Variants in ANK1 observed in about 807,000 individuals in gnomAD.
ANK1 encodes the protein ankyrin-1.
A neutral mutation model predicts 210.4 loss-of-function variants in ANK1; 51 were observed. The observed-to-expected ratio is 0.24, with a 90% confidence interval of 0.19 to 0.31. ANK1 has a LOEUF of 0.31. Ranked by LOEUF, ANK1 falls within the 10% of genes least tolerant of loss-of-function variation. The pLI, the probability that ANK1 is intolerant of heterozygous loss-of-function variation, is 1.00. For missense variants in ANK1, 2,051 were observed against 2,504.4 expected, an observed-to-expected ratio of 0.82 and a Z score of 3.86; for synonymous variants, 967 against 1,025.9, an observed-to-expected ratio of 0.94 and a Z score of 1.10.
intron 7 of ANK1, 84 bp downstream of exon 7, chr8:41,724,372 G>A (rs1030782746): frequency 8.2e-7 from 1 of 1,214,008 alleles, no homozygotes; most frequent in African/African-American, 1.5e-5. Flanking sequence ...TTCTGCCACT[G>A]GGATGAAACC....
chr8:41,828,683 G>C (rs892777107), intron 1 of ANK1: 17 of 153,960 alleles, frequency 1.1e-4, no homozygotes, highest in African/African-American at 3.8e-4. Context: ...TACAATGACC[G>C]GGCTGGAGAG....
upstream of ANK1, among the ~76,000 whole-genome samples, chr8:41,800,923 G>A (rs1359324542): frequency 2.0e-5 from 3 of 152,108 alleles, no homozygotes; most frequent in South Asian, 2.1e-4. Context: ...CCTTATGGTT[G>A]TATCTTTAAA....
At chr8:41,669,504 A>G (rs1811566735) in intron 38 of ANK1, among the ~76,000 whole-genome samples, 1 of 152,022 alleles carries the variant, frequency 6.6e-6, no homozygotes, top group African/African-American at 2.4e-5. Context: ...TCACAGGTCT[A>G]CTTTGGATCT....
chr8:41,668,271 A>C lies in ANK1; in HGVS notation c.5390T>G (p.Val1797Gly), dbSNP rs772884337. The change falls in exon 39 of 43, where the codon GTG becomes GGG. Residue 1797 changes from valine (V) to glycine (G), a missense_variant. Physicochemically the swap from Val to Gly is moderately radical, Grantham distance 109. Coordinates refer to ENST00000289734, the MANE Select transcript of ANK1 (RefSeq NM_000037.4). Reference protein sequence around the residue: ...QEAKNTFTQVVQGNEFQNIPG... With the variant: ...QEAKNTFTQVGQGNEFQNIPG... ...CAGCTCCCCTCGGGCTCTCACCTGC[A>C]CCACTTGGGTGAAGGTGTTCTTGGC... The C allele has an allele frequency of 1.9e-6, 3 of 1,614,224 alleles. No individual in the cohort carries two copies. Among genetic ancestry groups the C allele is most frequent in the South Asian group, 1.1e-5 (1 of 91,086 alleles).
At chr8:41,801,713 TTGTC>T (rs1208757849), upstream of ANK1, among the ~76,000 whole-genome samples, 1 of 152,204 alleles carries the variant, frequency 6.6e-6, no homozygotes, top group African/African-American at 2.4e-5. Flanking sequence ...GTTATGTTGT[TTGTC>T]TTTTTCTTAT....
In ANK1 at chr8:41,715,071, C is replaced by T. The variant is rs1236460261; in HGVS notation, c.1606G>A (p.Gly536Arg). The change falls in exon 15 of 43, where the codon GGA becomes AGA. Residue 536 changes from glycine to arginine, a missense_variant. Around this residue, in one of 6 missense-constraint regions of ANK1, gnomAD observed 1,413 missense variants for 1,707.4 expected, o/e 0.83. Coordinates refer to ENST00000289734, the MANE Select transcript of ANK1 (RefSeq NM_000037.4). ...EASQACMTKKGFTPLHVAAKY... is the reference protein window; with the variant it reads ...EASQACMTKKRFTPLHVAAKY... The stretch of plus-strand genomic sequence containing the variant: ...GCCGCCACGTGCAGAGGGGTAAATC[C>T]TTTCTGAGGAGAAACAGGCTGTCAG... 3.7e-6 allele frequency: 6 copies of T among 1,614,108 alleles called. No individual in the cohort carries two copies. The highest frequency in any genetic ancestry group is 1.3e-5 in the African/African-American group (1 of 75,048).
intron 16 of ANK1, among the ~76,000 whole-genome samples, chr8:41,710,430 G>A (rs1188805038): frequency 1.3e-5 from 2 of 152,184 alleles, no homozygotes; most frequent in East Asian, 3.9e-4. Flanking sequence ...TAGAACAGTG[G>A]TTCTCAAACT....
At chr8:41,725,063 T>C (rs1830327496) in intron 6 of ANK1, among the ~76,000 whole-genome samples, 1 of 152,208 alleles carries the variant, frequency 6.6e-6, no homozygotes. Flanking sequence ...GGTCTCACTA[T>C]GTTGTCCAGG....
At chr8:41,706,649 T>C (rs1563504285) in intron 17 of ANK1, among the ~76,000 whole-genome samples, 1 of 152,246 alleles carries the variant, frequency 6.6e-6, no homozygotes, top group Non-Finnish European at 1.5e-5. Flanking sequence ...CTTTATGGAC[T>C]TCCCAGTAAA....
At chr8:41,873,035 G>A (rs1045334883) in intron 1 of ANK1, among the ~76,000 whole-genome samples, 1 of 152,248 alleles carries the variant, frequency 6.6e-6, no homozygotes, top group Non-Finnish European at 1.5e-5. Flanking sequence ...CAGAGGGGAA[G>A]GCTGAAGCCA....
chr8:41,757,920 G>A, intron 2 of ANK1, 116 bp downstream of exon 2: 1 of 959,300 alleles, frequency 1.0e-6, no homozygotes, highest in Non-Finnish European at 1.7e-6. Flanking sequence ...GGAGCCCTGG[G>A]GGAGTTTTGA....
intron 37 of ANK1, among the ~76,000 whole-genome samples, chr8:41,679,537 G>A (rs558607634): frequency 6.8e-6 from 1 of 147,152 alleles, no homozygotes; most frequent in Non-Finnish European, 1.5e-5. Context: ...AACTCCAGCT[G>A]TCTTGGTCTT....
intron 1 of ANK1, among the ~76,000 whole-genome samples, chr8:41,771,582 C>T (rs1842968176): frequency 6.6e-6 from 1 of 152,236 alleles, no homozygotes; most frequent in Non-Finnish European, 1.5e-5. Context: ...TCGGCAGACA[C>T]AGGCCACTGT....
chr8:41,848,727 C>T (rs2150809928), intron 1 of ANK1, among the ~76,000 whole-genome samples: 1 of 152,352 alleles, frequency 6.6e-6, no homozygotes, highest in South Asian at 2.1e-4. Flanking sequence ...GTCTGGACAG[C>T]TGAATTTACT....
Position 41,702,067 on chromosome 8 carries a change from A to G in ANK1, c.2373T>C (p.Asp791=). The G allele has an allele frequency of 6.2e-7, 1 of 1,614,204 alleles. No individual in the cohort carries two copies. The highest frequency in any genetic ancestry group is 2.2e-5 in the East Asian group (1 of 44,878). Residue 791 remains aspartate (D), a synonymous_variant, in exon 21 of 43, where the codon GAT becomes GAC. Transcript: ENST00000289734. ...SVTDVLKVVT[D]ETSFVLVSDK... ...GCAGACATACCACGAAACTGGTTTC[A>G]TCCGTGACGACCTTGAGCACGTCGG...
intron 1 of ANK1, chr8:41,896,287 G>A (rs1820522482): frequency 9.2e-6 from 14 of 1,521,632 alleles, no homozygotes; most frequent in Non-Finnish European, 9.6e-6. Context: ...CGGGCCGCCC[G>A]ACCCCTGCCC....
At chr8:41,718,286 C>G in intron 10 of ANK1, 82 bp from the exon 11 acceptor site, 10 of 1,399,468 alleles carry the variant, frequency 7.1e-6, no homozygotes, top group Non-Finnish European at 1.0e-5. Context: ...CCTGGCTGCT[C>G]TAAAAGGCAG....
chr8:41,857,324 G>C (rs559454298), intron 1 of ANK1, among the ~76,000 whole-genome samples: 272 of 151,488 alleles, frequency 1.8e-3, no homozygotes, highest in Non-Finnish European at 3.0e-3. Flanking sequence ...GTGGCCGGGC[G>C]CGGTGGCTCA....
At chr8:41,888,735 A>G (rs193248340) in intron 1 of ANK1, among the ~76,000 whole-genome samples, 208 of 152,378 alleles carry the variant, frequency 1.4e-3, no homozygotes, top group African/African-American at 4.8e-3. Context: ...TAACCTGTTA[A>G]GAGACAGACT....
Sources: allele counts gnomAD v4.1 joint callset (sites outside exome capture counted in the v4.1 genomes callset), GRCh38; gene constraint gnomAD v4.1.1; regional missense constraint gnomAD v4.1.1; transcripts MANE v1.5; gene names NCBI Gene and HGNC (gene_info 2026-07-23, HGNC 2026-07-21).